The following ZFPM1 variants were observed in gnomAD, a reference collection of about 807,000 sequenced individuals.
The protein encoded by ZFPM1 is zinc finger protein ZFPM1.
A neutral mutation model predicts 46.3 loss-of-function variants in ZFPM1; 28 were observed. That is an observed-to-expected ratio of 0.60 (90% CI 0.45 to 0.83). ZFPM1 has a LOEUF of 0.83. ZFPM1 is among the 40% of genes least tolerant of loss of function. The pLI is 0.00. For synonymous variants in ZFPM1, 957 were observed against 675.9 expected (o/e 1.42, Z -6.45); for missense variants, 1,878 against 1,432.4 (o/e 1.31, Z -5.02).
chr16:88,471,418 G>A lies in ZFPM1; in HGVS notation c.41-14521G>A, dbSNP rs370861545. ...CCACAGTGGCTCCCACGCATAGTGG[G>A]GGGGCCAAGACCCCAAGATGACCAT... is the stretch of plus-strand genomic sequence containing the variant. On this transcript the variant is annotated intron_variant, in intron 1 of 9. Transcript: ENST00000319555. The surrounding 1 kb of genome is among the most constrained non-coding windows in gnomAD (Gnocchi z 4.1). Among the ~76,000 whole-genome samples, 101 of 148,396 alleles carry A rather than the reference G, an allele frequency of 6.8e-4. No homozygotes were observed. The highest frequency in any genetic ancestry group is 2.4e-3 in the African/African-American group (95 of 39,406).
At position 88,535,794 on chromosome 16, in the gene ZFPM1, C is replaced by G. The variant is rs1913224611; in HGVS notation, c.*815C>G. On this transcript the variant is annotated 3_prime_UTR_variant, in exon 10 of 10. Coordinates refer to ENST00000319555, the MANE Select transcript of ZFPM1 (RefSeq NM_153813.3). ...GCAAGGGTCAGGGCACCCCCACCCC[C>G]CGTCTTCCCTGCCCTGCTGGGCTGT... The G allele has an allele frequency of 2.0e-5, 3 of 152,714 alleles. No homozygotes were observed. The highest frequency in any genetic ancestry group is 1.3e-4 in the Admixed American group (2 of 15,286). The allele number at this position is 152,714 out of a possible 1,614,324, so 9.5% of individuals were successfully genotyped here.
chr16:88,486,182 C>CTGGA, intron 2 of ZFPM1, 139 bp downstream of exon 2: 1 of 909,258 alleles, frequency 1.1e-6, no homozygotes, highest in Non-Finnish European at 1.6e-6. Context: ...GTCTTCCAGC[C>CTGGA]AGAGGCCTGT....
chr16:88,475,890 A>C (rs1908660850), intron 1 of ZFPM1, among the ~76,000 whole-genome samples: 1 of 152,260 alleles, frequency 6.6e-6, no homozygotes, highest in South Asian at 2.1e-4. Flanking sequence ...CCTGGACACC[A>C]TTCGGCCAGA....
rs12920907 is a variant in ZFPM1, at chr16:88,501,493, C to A, written c.268+12340C>A. Among the ~76,000 whole-genome samples the A allele has an allele frequency of 3.1e-3, 234 of 74,748 alleles. 15 individuals carry two copies. Among genetic ancestry groups the A allele is most frequent in the African/African-American group, 9.8e-3 (191 of 19,556 alleles). The allele number at this position is 74,748 out of a possible 152,430, so 49.0% of individuals were successfully genotyped here. A position where few individuals can be genotyped will look rare whatever the true frequency, so the allele number is the denominator to read the frequency against. On this transcript the variant is annotated intron_variant, in intron 3 of 9. Coordinates refer to ENST00000319555, the MANE Select transcript of ZFPM1 (RefSeq NM_153813.3). Reference sequence around the variant, plus strand: ...GATAGCAGACATGGGTGCGTGGGCCCTCCCGCAGGTGCTGGTGATGATAGA... The same window carrying A: ...GATAGCAGACATGGGTGCGTGGGCCATCCCGCAGGTGCTGGTGATGATAGA...
At position 88,528,340 on chromosome 16, in the gene ZFPM1, A is replaced by G. The variant is rs373658371; in HGVS notation, c.712+102A>G. 65 of 1,301,066 alleles carry G rather than the reference A, an allele frequency of 5.0e-5. No individual in the cohort carries two copies. The African/African-American group carries it at 7.8e-4, about 16-fold the overall frequency. The allele number at this position is 1,301,066 out of a possible 1,614,324, so 80.6% of individuals were successfully genotyped here. A position where few individuals can be genotyped will look rare whatever the true frequency, so the allele number is the denominator to read the frequency against. ...TGAGGGTGGGAAGCTCGGGGGCTGC[A>G]GGCTGCCGACAGAGTGAGAGGTAAG... On this transcript the variant is annotated intron_variant, in intron 6 of 9. Coordinates refer to ENST00000319555, the MANE Select transcript of ZFPM1 (RefSeq NM_153813.3).
intron 2 of ZFPM1, 105 bp downstream of exon 2, chr16:88,486,148 T>G: frequency 8.4e-7 from 1 of 1,186,030 alleles, no homozygotes; most frequent in Non-Finnish European, 1.2e-6. Context: ...GTGGGCCAAC[T>G]ATATGCAGGA....
chr16:88,456,487 G>C (rs532116606), intron 1 of ZFPM1, among the ~76,000 whole-genome samples: 1 of 152,322 alleles, frequency 6.6e-6, no homozygotes, highest in South Asian at 2.1e-4. Flanking sequence ...ACCTGCCTGG[G>C]CTGAGCACTG....
chr16:88,474,002 T>C (rs549549977), intron 1 of ZFPM1, among the ~76,000 whole-genome samples: 1 of 152,220 alleles, frequency 6.6e-6, no homozygotes, highest in East Asian at 1.9e-4. Context: ...GGGCCGGGAG[T>C]GGCCGGGCCC....
chr16:88,525,256 G>A (rs56376422), intron 4 of ZFPM1, among the ~76,000 whole-genome samples: 20,105 of 152,234 alleles, frequency 0.13, 1,712 homozygotes, highest in Non-Finnish European at 0.19. Context: ...AGGGTCCCAC[G>A]CGTGCTGGCA....
At chr16:88,489,248 G>A (rs1909419699) in intron 3 of ZFPM1, 95 bp downstream of exon 3, 5 of 1,469,894 alleles carry the variant, frequency 3.4e-6, no homozygotes, top group Non-Finnish European at 4.5e-6. Flanking sequence ...GGGCAGGTGT[G>A]CAGGTTGCTG....
rs1912839654 is a variant in ZFPM1, at chr16:88,532,178, T to C, written c.889T>C (p.Cys297Arg). 1 of 1,611,686 alleles carries C rather than the reference T, an allele frequency of 6.2e-7. No individual in the cohort carries two copies. The highest frequency in any genetic ancestry group is 1.3e-5 in the African/African-American group (1 of 75,016). ...CGAGCGCGTCTGCCCCTTCCCCCAG[T>C]GCCGCAAGAGCTGCCCCAGCGCCAG... ...PNERVCPFPQCRKSCPSASSL... is the reference protein window; with the variant it reads ...PNERVCPFPQRRKSCPSASSL... The change falls in exon 7 of 10, where the codon TGC (cysteine) becomes CGC (arginine). Residue 297 changes from cysteine to arginine, a missense_variant. Physicochemically the swap from Cys to Arg is radical, Grantham distance 180. Transcript: ENST00000319555.
intron 3 of ZFPM1, among the ~76,000 whole-genome samples, chr16:88,507,799 C>G (rs762128783): frequency 2.6e-5 from 4 of 152,196 alleles, no homozygotes; most frequent in Non-Finnish European, 5.9e-5. Context: ...CGGATGCTCA[C>G]AAGGGACCCT....
intron 3 of ZFPM1, among the ~76,000 whole-genome samples, chr16:88,500,125 C>T (rs924662848): frequency 1.3e-5 from 2 of 152,170 alleles, no homozygotes; most frequent in African/African-American, 4.8e-5. Context: ...CTTCCTGCCC[C>T]GGCCATCCCC....
chr16:88,534,089 G>C lies in ZFPM1; in HGVS notation c.2131G>C (p.Asp711His). 2 of 1,197,938 alleles carry C rather than the reference G, an allele frequency of 1.7e-6. No individual in the cohort carries two copies. Among genetic ancestry groups the C allele is most frequent in the Non-Finnish European group, 2.1e-6 (2 of 943,822 alleles). The allele number at this position is 1,197,938 out of a possible 1,614,324, so 74.2% of individuals were successfully genotyped here. A position where few individuals can be genotyped will look rare whatever the true frequency, so the allele number is the denominator to read the frequency against. ...GCGGTACTACTGCGCCTCGCGCCAC[G>C]ACCCGCCGCCGCGCCGACCGGCCGC... ...HKRYYCASRH[D>H]PPPRRPAAPP... Residue 711 changes from aspartate (D) to histidine (H), a missense_variant, in exon 10 of 10, where the codon GAC (aspartate) becomes CAC (histidine). Transcript: ENST00000319555.
intron 6 of ZFPM1, among the ~76,000 whole-genome samples, chr16:88,531,503 C>G (rs1175864953): frequency 6.6e-6 from 1 of 152,194 alleles, no homozygotes; most frequent in East Asian, 1.9e-4. Flanking sequence ...GCCCACATCC[C>G]TAGAACTGCA....
intron 3 of ZFPM1, among the ~76,000 whole-genome samples, chr16:88,503,467 G>A (rs148306213): frequency 9.2e-5 from 14 of 151,742 alleles, no homozygotes; most frequent in African/African-American, 2.2e-4. Flanking sequence ...GGGGGCCCAC[G>A]GTTCCTGAGT....
At chr16:88,467,667 C>T (rs982122686) in intron 1 of ZFPM1, among the ~76,000 whole-genome samples, 14 of 152,188 alleles carry the variant, frequency 9.2e-5, no homozygotes, top group South Asian at 2.1e-4. Flanking sequence ...CCTCCAGTCA[C>T]GGGCTCTGGG....
At chr16:88,500,556 T>C (rs1314781136) in intron 3 of ZFPM1, among the ~76,000 whole-genome samples, 1 of 152,262 alleles carries the variant, frequency 6.6e-6, no homozygotes, top group Non-Finnish European at 1.5e-5. Context: ...GCTGGTGCTG[T>C]CGCTGTCACT....
rs1908881189 is a variant in ZFPM1 at position 88,480,451 on chromosome 16, T to A, written c.41-5488T>A. 6.6e-6 allele frequency among the ~76,000 whole-genome samples: 1 copy of A among 152,180 alleles called. No individual in the cohort carries two copies. Among genetic ancestry groups the A allele is most frequent in the African/African-American group, 2.4e-5 (1 of 41,436 alleles). On this transcript the variant is annotated intron_variant, in intron 1 of 9. Transcript: ENST00000319555. This position sits in a 1 kb window ranked among gnomAD's most constrained non-coding sequence, Gnocchi z 4.9. ...AGAGTGAAGGAAAGAGCCGTGGTGC[T>A]GGTGGGGGAGGAGCGGGGCCGTGTG... is the stretch of plus-strand genomic sequence containing the variant.
Sources: allele counts gnomAD v4.1 joint callset (sites outside exome capture counted in the v4.1 genomes callset), GRCh38; gene constraint gnomAD v4.1.1; non-coding constraint Gnocchi (gnomAD v3.1); transcripts MANE v1.5; gene names NCBI Gene and HGNC (gene_info 2026-07-23, HGNC 2026-07-21).